TENM3: variants seen among roughly 807,000 people sequenced by gnomAD.
The protein encoded by TENM3 is teneurin transmembrane protein 3, also known as teneurin-3.
TENM3 carries 63 observed loss-of-function variants against 255.1 expected under a neutral mutation model. The observed-to-expected ratio is 0.25, with a 90% CI of 0.20 to 0.30. TENM3 has a LOEUF of 0.30. Ranked by LOEUF, TENM3 falls within the 10% of genes least tolerant of loss-of-function variation. The pLI is 1.00. For missense variants in TENM3, 2,929 were observed against 3,461.1 expected (o/e 0.85, Z 3.86); for synonymous variants, 1,306 against 1,322.3 (o/e 0.99, Z 0.27).
chr4:182,463,007 A>G (rs1057024998), intron 3 of TENM3, among the ~76,000 whole-genome samples: 6 of 152,116 alleles, frequency 3.9e-5, no homozygotes, highest in Admixed American at 6.5e-5. Flanking sequence ...AAAGGCCTGC[A>G]GTCATCCTAC....
intron 1 of TENM3, among the ~76,000 whole-genome samples, chr4:182,265,392 G>A (rs769100672): frequency 1.3e-5 from 2 of 152,116 alleles, no homozygotes; most frequent in Admixed American, 6.5e-5. Context: ...TCCCATGAAG[G>A]ATAGGCTGAT....
intron 3 of TENM3, among the ~76,000 whole-genome samples, chr4:182,466,203 A>C (rs1388856789): frequency 6.6e-6 from 1 of 152,214 alleles, no homozygotes; most frequent in Non-Finnish European, 1.5e-5. Flanking sequence ...TGAATTGCTC[A>C]GTCTGAGTGG....
At chr4:182,021,956 T>C in the TENM3 span, among the ~76,000 whole-genome samples, 2 of 152,264 alleles carry the variant, frequency 1.3e-5, no homozygotes, top group East Asian at 3.9e-4. Flanking sequence ...TGTGAACTAG[T>C]TCAGCCCCTC....
At chr4:182,762,555 G>A (rs1329241344) in intron 22 of TENM3, among the ~76,000 whole-genome samples, 27 of 152,216 alleles carry the variant, frequency 1.8e-4, no homozygotes, top group Non-Finnish European at 1.5e-5. Flanking sequence ...AGACTTTGCA[G>A]CATCTGTGGC....
At chr4:182,086,033 A>G in the TENM3 span, among the ~76,000 whole-genome samples, 4 of 152,212 alleles carry the variant, frequency 2.6e-5, no homozygotes, top group African/African-American at 9.6e-5. Flanking sequence ...AGAAGTCCGT[A>G]AATAGTTGCT....
At chr4:182,439,944 C>T (rs2151247206) in intron 3 of TENM3, among the ~76,000 whole-genome samples, 1 of 152,202 alleles carries the variant, frequency 6.6e-6, no homozygotes, top group Admixed American at 6.5e-5. Context: ...TCTGGCCCCT[C>T]TATGTAAGCA....
intron 1 of TENM3, among the ~76,000 whole-genome samples, chr4:182,175,055 C>T (rs754944607): frequency 2.0e-4 from 31 of 152,188 alleles, no homozygotes; most frequent in African/African-American, 4.6e-4. Flanking sequence ...GGATTAAATA[C>T]GTCCAGGCAC....
At chr4:182,048,213 A>G in the TENM3 span, among the ~76,000 whole-genome samples, 1 of 152,216 alleles carries the variant, frequency 6.6e-6, no homozygotes. Flanking sequence ...GATGGATACT[A>G]AACTATGATA....
chr4:182,546,760 C>T (rs1381924028), intron 3 of TENM3, among the ~76,000 whole-genome samples: 1 of 152,112 alleles, frequency 6.6e-6, no homozygotes, highest in Non-Finnish European at 1.5e-5. Flanking sequence ...CACAGATAAT[C>T]CTGAAAATGG....
chr4:182,743,517 C>T, intron 19 of TENM3, 98 bp downstream of exon 19: 1 of 1,363,584 alleles, frequency 7.3e-7, no homozygotes, highest in South Asian at 1.3e-5. Context: ...TAGAAAAATA[C>T]CATCCTAAGG....
the TENM3 span, among the ~76,000 whole-genome samples, chr4:181,671,345 C>T: frequency 3.3e-5 from 5 of 152,020 alleles, no homozygotes; most frequent in African/African-American, 1.2e-4. Context: ...AATATCTGTA[C>T]CAGCTGTATT....
chr4:181,934,078 G>GCA, the TENM3 span, among the ~76,000 whole-genome samples: 2 of 151,420 alleles, frequency 1.3e-5, no homozygotes, highest in Non-Finnish European at 2.9e-5. Flanking sequence ...GTGTGTGTGC[G>GCA]CGCGCTTTTA....
intron 3 of TENM3, among the ~76,000 whole-genome samples, chr4:182,450,762 G>A (rs1258542489): frequency 2.0e-5 from 3 of 152,196 alleles, no homozygotes; most frequent in Non-Finnish European, 2.9e-5. Flanking sequence ...GGAGTCACTT[G>A]ATCTCTTATT....
intron 1 of TENM3, among the ~76,000 whole-genome samples, chr4:182,314,129 T>C (rs1419594480): frequency 6.6e-6 from 1 of 152,014 alleles, no homozygotes; most frequent in Admixed American, 6.6e-5. Context: ...TGAAACCCTG[T>C]CTCTACTAAA....
chr4:181,880,034 C>A, the TENM3 span, among the ~76,000 whole-genome samples: 2 of 152,100 alleles, frequency 1.3e-5, no homozygotes, highest in South Asian at 2.1e-4. Context: ...TTTGCATTGC[C>A]CTTCCTGTTC....
At chr4:182,534,372 C>T (rs79087095) in intron 3 of TENM3, among the ~76,000 whole-genome samples, 4 of 152,220 alleles carry the variant, frequency 2.6e-5, no homozygotes, top group African/African-American at 4.8e-5. Flanking sequence ...AAAAAGATGA[C>T]GGGCAGAGGG....
At chr4:182,299,183 A>T (rs957836924) in intron 1 of TENM3, among the ~76,000 whole-genome samples, 1 of 151,848 alleles carries the variant, frequency 6.6e-6, no homozygotes, top group Non-Finnish European at 1.5e-5. Flanking sequence ...CAATTGCACT[A>T]GTTTCTCCTA....
intron 1 of TENM3, among the ~76,000 whole-genome samples, chr4:182,177,622 T>C (rs958118368): frequency 1.3e-5 from 2 of 151,576 alleles, no homozygotes; most frequent in South Asian, 4.2e-4. Context: ...ATATTTTTTT[T>C]TTTTTTGCTC....
At chr4:181,971,537 G>A in the TENM3 span, among the ~76,000 whole-genome samples, 2 of 152,088 alleles carry the variant, frequency 1.3e-5, no homozygotes, top group African/African-American at 2.4e-5. Flanking sequence ...AAAGTCCAGG[G>A]ATGGGGAAGT....
Sources: gnomAD v4.1 joint callset for allele counts (sites outside exome capture counted in the v4.1 genomes callset) on GRCh38, gnomAD v4.1.1 for gene constraint, MANE v1.5 for transcripts, NCBI Gene and HGNC (gene_info 2026-07-23, HGNC 2026-07-21) for gene names.